KCNN2: variants seen among roughly 807,000 people sequenced by gnomAD.
KCNN2 encodes the protein potassium calcium-activated channel subfamily N member 2.
In KCNN2, 24 loss-of-function variants were observed where a neutral mutation model predicts 55.5. The ratio of observed to expected loss-of-function variants is 0.43; its 90% confidence interval spans 0.31 to 0.61. The LOEUF (loss-of-function observed/expected upper bound fraction) is 0.61. KCNN2 is among the 20% of genes least tolerant of loss of function. The pLI, the probability that KCNN2 is intolerant of heterozygous loss-of-function variation, is 0.08. For missense variants in KCNN2, 754 were observed against 853.6 expected, an observed-to-expected ratio of 0.88 and a Z score of 1.45; for synonymous variants, 431 against 336.1, an observed-to-expected ratio of 1.28 and a Z score of -3.09.
intron 2 of KCNN2, among the ~76,000 whole-genome samples, chr5:114,270,499 CT>C (rs1363873451): frequency 6.6e-6 from 1 of 152,096 alleles, no homozygotes; most frequent in African/African-American, 2.4e-5. Flanking sequence ...TATCTGGCAT[CT>C]TTTGGGATTC....
At chr5:114,085,824 G>A (rs1233253715) in intron 1 of KCNN2, among the ~76,000 whole-genome samples, 2 of 151,896 alleles carry the variant, frequency 1.3e-5, no homozygotes, top group African/African-American at 4.8e-5. Context: ...AAAAAGAATT[G>A]TTGAAACCTC....
intron 1 of KCNN2, among the ~76,000 whole-genome samples, chr5:114,107,928 A>G (rs1376111097): frequency 6.6e-6 from 1 of 151,988 alleles, no homozygotes; most frequent in Non-Finnish European, 1.5e-5. Flanking sequence ...CATTACTTTC[A>G]TTGGATCTAC....
chr5:114,194,475 T>C (rs1753511050), intron 1 of KCNN2, among the ~76,000 whole-genome samples: 1 of 152,136 alleles, frequency 6.6e-6, no homozygotes, highest in Non-Finnish European at 1.5e-5. Context: ...TTTTGTGTGC[T>C]TAATGCATAT....
intron 2 of KCNN2, among the ~76,000 whole-genome samples, chr5:114,375,952 G>GTATATATATATATATATATATA (rs6149186): frequency 0.028 from 2,872 of 103,712 alleles, 144 homozygotes; most frequent in East Asian, 0.042. Flanking sequence ...GACTCACAGT[G>GTATATATATATATATATATATA]TATATATATA....
At chr5:114,280,585 T>A (rs3112745) in intron 2 of KCNN2, among the ~76,000 whole-genome samples, 136,474 of 152,178 alleles carry the variant, frequency 0.9, 61,598 homozygotes, top group Middle Eastern at 0.94. Flanking sequence ...TGTTTTTGTC[T>A]GGTTTGTCAA....
In KCNN2 at chr5:114,096,369, G is replaced by T. The variant is rs149695030; in HGVS notation, c.-271+39869G>T. ...ACACTAACTTTGACCATGCTACACT[G>T]GATCCCTGGCTTATTTGGTAATACA... On this transcript the variant is annotated intron_variant, in intron 1 of 10. Transcript: ENST00000512097. 5.4e-3 allele frequency among the ~76,000 whole-genome samples: 825 copies of T among 152,188 alleles called. 10 individuals carry two copies. The highest frequency in any genetic ancestry group is 0.019 in the African/African-American group (795 of 41,522).
At position 114,473,077 on chromosome 5, in the gene KCNN2, G is replaced by A; in HGVS notation, c.1803G>A (p.Val601=). 1.2e-6 allele frequency: 2 copies of A among 1,611,220 alleles called. No individual in the cohort carries two copies. The highest frequency in any genetic ancestry group is 1.7e-6 in the Non-Finnish European group (2 of 1,178,360). Residue 601 remains valine, a synonymous_variant, in exon 5 of 8, where the codon GTG becomes GTA. Transcript: ENST00000673685. ...GIMGAGCTAL[V]VAVVARKLEL... ...AGGGTGCTGGTTGCACAGCCCTGGT[G>A]GTAGCTGTAGTGGCAAGGAAGCTAG...
rs1756450883 is a variant in KCNN2, at chr5:114,313,841, G to A, written c.-184-47104G>A. On this transcript the variant is annotated intron_variant, in intron 2 of 10. Coordinates refer to the KCNN2 transcript ENST00000512097. Reference sequence around the variant, plus strand: ...AAGTTTACTCATGGAAAAGGTCAGTGTAATTCATAAGAATCAGTCTCAAAG... The same window carrying A: ...AAGTTTACTCATGGAAAAGGTCAGTATAATTCATAAGAATCAGTCTCAAAG... Among the ~76,000 whole-genome samples, 3 of 152,254 alleles carry A rather than the reference G, an allele frequency of 2.0e-5. No individual in the cohort carries two copies. In the South Asian group the frequency reaches 6.2e-4, roughly 32 times the overall value.
chr5:114,393,235 T>C (rs1758509996), intron 2 of KCNN2, among the ~76,000 whole-genome samples: 1 of 152,162 alleles, frequency 6.6e-6, no homozygotes, highest in South Asian at 2.1e-4. Flanking sequence ...AAAAGAGAGC[T>C]TGGTTTTATT....
chr5:114,467,916 T>C (rs1761531662), intron 4 of KCNN2, among the ~76,000 whole-genome samples: 1 of 152,186 alleles, frequency 6.6e-6, no homozygotes, highest in African/African-American at 2.4e-5. Flanking sequence ...AACCGAGGGA[T>C]GATTCATTGT....
At chr5:114,408,505 C>T (rs1759013454) in intron 3 of KCNN2, among the ~76,000 whole-genome samples, 1 of 152,038 alleles carries the variant, frequency 6.6e-6, no homozygotes, top group Non-Finnish European at 1.5e-5. Flanking sequence ...GCTTTGTTTC[C>T]TAGCAATCAT....
intron 1 of KCNN2, among the ~76,000 whole-genome samples, chr5:114,139,018 T>C (rs1752223054): frequency 6.6e-6 from 1 of 152,160 alleles, no homozygotes. Flanking sequence ...TCAGAAGTTA[T>C]ACCTGCCCCA....
At chr5:114,396,070 C>T (rs1758604255) in intron 2 of KCNN2, among the ~76,000 whole-genome samples, 2 of 152,186 alleles carry the variant, frequency 1.3e-5, no homozygotes, top group South Asian at 4.1e-4. Flanking sequence ...TGCCTCCCTC[C>T]AGCCCTTGGC....
intron 1 of KCNN2, among the ~76,000 whole-genome samples, chr5:114,180,672 C>T (rs1753220614): frequency 6.6e-6 from 1 of 152,222 alleles, no homozygotes; most frequent in Non-Finnish European, 1.5e-5. Flanking sequence ...GCTTTATGAG[C>T]TTTGTAGATA....
chr5:114,249,190 T>C (rs1030516563), intron 2 of KCNN2, among the ~76,000 whole-genome samples: 2 of 152,058 alleles, frequency 1.3e-5, no homozygotes, highest in Non-Finnish European at 2.9e-5. Flanking sequence ...TCTTTTTTTT[T>C]AGACATGAAC....
chr5:114,081,989 A>G (rs1750831663), intron 1 of KCNN2, among the ~76,000 whole-genome samples: 1 of 152,156 alleles, frequency 6.6e-6, no homozygotes, highest in Admixed American at 6.5e-5. Flanking sequence ...AAAATGTCCA[A>G]TATATATTCC....
chr5:114,288,712 C>A (rs531709813), intron 2 of KCNN2, among the ~76,000 whole-genome samples: 8 of 152,050 alleles, frequency 5.3e-5, no homozygotes, highest in African/African-American at 1.9e-4. Context: ...TTTTTAATTG[C>A]ATTGTCTTTT....
intron 1 of KCNN2, among the ~76,000 whole-genome samples, chr5:114,099,376 A>C (rs918400212): frequency 6.6e-6 from 1 of 152,136 alleles, no homozygotes; most frequent in Non-Finnish European, 1.5e-5. Context: ...TTCATTTTGC[A>C]CATAAGAAAA....
Position 114,404,743 on chromosome 5 carries a change from C to T in KCNN2, c.1524C>T (p.Phe508=). The change falls in exon 3 of 8, where the codon TTC becomes TTT. Residue 508 remains phenylalanine (F), a synonymous_variant. Coordinates refer to ENST00000673685, the MANE Select transcript of KCNN2 (RefSeq NM_021614.4). ...RSIGALNKIN[F]NTRFVMKTLM... is the part of the protein sequence containing the mutation. The stretch of plus-strand genomic sequence containing the variant: ...TTGGAGCACTTAATAAGATAAACTT[C>T]AATACACGTTTTGTTATGAAGACTT... 6.2e-7 allele frequency: 1 copy of T among 1,613,956 alleles called. No homozygotes were observed. Among genetic ancestry groups the T allele is most frequent in the Non-Finnish European group, 8.5e-7 (1 of 1,179,914 alleles).
Sources: allele counts gnomAD v4.1 joint callset (sites outside exome capture counted in the v4.1 genomes callset), GRCh38; gene constraint gnomAD v4.1.1; transcripts MANE v1.5; gene names NCBI Gene and HGNC (gene_info 2026-07-23, HGNC 2026-07-21).